Variants in DPP6 observed in about 807,000 individuals in gnomAD.
DPP6 encodes the protein dipeptidyl peptidase like 6, also known as A-type potassium channel modulatory protein DPP6.
DPP6 carries 69 observed loss-of-function variants against 122.6 expected under a neutral mutation model. That is an observed-to-expected ratio of 0.56 (90% confidence interval 0.46 to 0.69). The LOEUF (loss-of-function observed/expected upper bound fraction) is 0.69. Among genes scored for constraint, DPP6 ranks in the 30% least tolerant of loss-of-function variants. The pLI, the probability that DPP6 is intolerant of heterozygous loss-of-function variation, is 0.00. For synonymous variants in DPP6, 418 were observed against 433.1 expected (o/e 0.97, Z 0.43); for missense variants, 928 against 1,116.9 (o/e 0.83, Z 2.41).
chr7:153,767,116 A>T, the DPP6 span, among the ~76,000 whole-genome samples: 4 of 50,864 alleles, frequency 7.9e-5, no homozygotes, highest in Admixed American at 1.6e-4. Flanking sequence ...GAAGGAAGTC[A>T]GGGGTGAAAA....
At chr7:153,853,958 C>T in the DPP6 span, among the ~76,000 whole-genome samples, 178 of 149,212 alleles carry the variant, frequency 1.2e-3, 2 homozygotes, top group African/African-American at 4.3e-3. Flanking sequence ...AGGTTTTCTT[C>T]TAGGGTTTTT....
chr7:154,572,593 T>C (rs1322161377), intron 5 of DPP6, among the ~76,000 whole-genome samples: 1 of 137,272 alleles, frequency 7.3e-6, no homozygotes, highest in South Asian at 2.5e-4. Context: ...CTCGACTCAC[T>C]GCAACCTCCC....
At chr7:154,835,832 AT>A (rs1801003016) in intron 16 of DPP6, among the ~76,000 whole-genome samples, 1 of 152,216 alleles carries the variant, frequency 6.6e-6, no homozygotes, top group Non-Finnish European at 1.5e-5. Context: ...AAATCTTATG[AT>A]TAATAAATCA....
intron 15 of DPP6, among the ~76,000 whole-genome samples, chr7:154,805,823 G>T (rs1197225881): frequency 6.6e-6 from 1 of 152,210 alleles, no homozygotes. Context: ...TGAGGAGGGG[G>T]TGTCTGCTGC....
At chr7:153,963,353 A>G (rs1364676668) in intron 1 of DPP6, among the ~76,000 whole-genome samples, 2 of 149,792 alleles carry the variant, frequency 1.3e-5, no homozygotes, top group Non-Finnish European at 3.0e-5. Flanking sequence ...TTGCTCCTTC[A>G]TAGCAAGAGG....
At chr7:153,984,561 T>C (rs1439387504) in intron 1 of DPP6, among the ~76,000 whole-genome samples, 1 of 152,162 alleles carries the variant, frequency 6.6e-6, no homozygotes, top group African/African-American at 2.4e-5. Flanking sequence ...CTCTTATTTT[T>C]ATTGCATAAA....
chr7:153,939,179 A>T (rs1801587743), intron 1 of DPP6, among the ~76,000 whole-genome samples: 1 of 152,214 alleles, frequency 6.6e-6, no homozygotes, highest in South Asian at 2.1e-4. Flanking sequence ...TACCTTAGCG[A>T]TAGTACTGTT....
intron 1 of DPP6, among the ~76,000 whole-genome samples, chr7:154,218,583 A>G (rs940699817): frequency 2.0e-5 from 3 of 152,186 alleles, no homozygotes; most frequent in African/African-American, 4.8e-5. Flanking sequence ...ATCACATTAT[A>G]TGGGTATTGC....
intron 1 of DPP6, among the ~76,000 whole-genome samples, chr7:153,935,256 A>G (rs2129014746): frequency 1.3e-5 from 2 of 149,824 alleles, no homozygotes; most frequent in East Asian, 2.1e-4. Context: ...AAGGGGGGGG[A>G]CGTGCCCGGT....
intron 21 of DPP6, among the ~76,000 whole-genome samples, chr7:154,883,339 C>A (rs1021423714): frequency 6.7e-6 from 1 of 149,290 alleles, no homozygotes; most frequent in Non-Finnish European, 1.5e-5. Context: ...TGGTGTCACA[C>A]ACACGCTCAT....
intron 1 of DPP6, among the ~76,000 whole-genome samples, chr7:153,932,566 CAT>C (rs1379845090): frequency 6.6e-6 from 1 of 152,144 alleles, no homozygotes; most frequent in Non-Finnish European, 1.5e-5. Context: ...TGTCTTCTCT[CAT>C]GTGTGGCAAG....
At chr7:153,940,249 C>G (rs995354709) in intron 1 of DPP6, among the ~76,000 whole-genome samples, 14 of 152,116 alleles carry the variant, frequency 9.2e-5, no homozygotes, top group Non-Finnish European at 2.1e-4. Flanking sequence ...TCCTTCCAAA[C>G]CAGAGGATCT....
intron 1 of DPP6, among the ~76,000 whole-genome samples, chr7:153,966,151 C>T (rs1445841114): frequency 3.0e-5 from 3 of 99,268 alleles, no homozygotes; most frequent in Non-Finnish European, 6.4e-5. Context: ...CCTCTCGTGG[C>T]GTTGAAAAGC....
At chr7:154,312,107 C>G (rs1806948780) in intron 1 of DPP6, among the ~76,000 whole-genome samples, 1 of 152,190 alleles carries the variant, frequency 6.6e-6, no homozygotes, top group Non-Finnish European at 1.5e-5. Flanking sequence ...CCCCTTAAAT[C>G]ATCGACAGGC....
At chr7:154,668,197 T>TATATA (rs1838288618) in intron 6 of DPP6, among the ~76,000 whole-genome samples, 5 of 36,476 alleles carry the variant, frequency 1.4e-4, no homozygotes, top group Non-Finnish European at 2.3e-4. Context: ...TGTGTATATT[T>TATATA]TATATATATA....
chr7:154,610,442 G>A (rs1833835420), intron 5 of DPP6, among the ~76,000 whole-genome samples: 1 of 152,206 alleles, frequency 6.6e-6, no homozygotes, highest in African/African-American at 2.4e-5. Flanking sequence ...CAAGGAGAGA[G>A]CAGAGAAGAG....
At chr7:154,638,446 T>C (rs1563046111) in intron 6 of DPP6, among the ~76,000 whole-genome samples, 1 of 152,152 alleles carries the variant, frequency 6.6e-6, no homozygotes, top group Non-Finnish European at 1.5e-5. Context: ...GTTGTTCTTG[T>C]TTTATTGTCC....
At chr7:153,889,204 T>C (rs1202061314) in intron 1 of DPP6, among the ~76,000 whole-genome samples, 1 of 152,174 alleles carries the variant, frequency 6.6e-6, no homozygotes, top group Non-Finnish European at 1.5e-5. Flanking sequence ...CAGTCCTCGG[T>C]CCGTGGGTTC....
At chr7:154,246,451 A>G (rs1563363902) in intron 1 of DPP6, among the ~76,000 whole-genome samples, 1 of 152,250 alleles carries the variant, frequency 6.6e-6, no homozygotes. Context: ...GATATTATCA[A>G]GATATCAGTT....
Sources: gnomAD v4.1 joint callset for allele counts (sites outside exome capture counted in the v4.1 genomes callset) on GRCh38, gnomAD v4.1.1 for gene constraint, MANE v1.5 for transcripts, NCBI Gene and HGNC (gene_info 2026-07-23, HGNC 2026-07-21) for gene names.